RUNDC3B: variants seen among roughly 807,000 people sequenced by gnomAD.
RUNDC3B encodes RUN domain containing 3B.
Under a neutral mutation model 58.4 loss-of-function variants are expected in RUNDC3B, and 33 were observed. That is an observed-to-expected ratio of 0.56 (90% CI 0.43 to 0.75). RUNDC3B has a LOEUF of 0.75. Among genes scored for constraint, RUNDC3B ranks in the 30% least tolerant of loss-of-function variants. RUNDC3B has a pLI of 0.00. For missense variants in RUNDC3B, 501 were observed against 535.7 expected (o/e 0.94, Z 0.64); for synonymous variants, 193 against 195.2 (o/e 0.99, Z 0.10).
chr7:87,725,803 C>T (rs1305777432), intron 4 of RUNDC3B, among the ~76,000 whole-genome samples: 1 of 152,098 alleles, frequency 6.6e-6, no homozygotes, highest in East Asian at 1.9e-4. Flanking sequence ...TGAGATGGTA[C>T]CTCACTGTGG....
At chr7:87,822,207 C>T (rs1837499859) in intron 10 of RUNDC3B, among the ~76,000 whole-genome samples, 2 of 151,936 alleles carry the variant, frequency 1.3e-5, no homozygotes, top group South Asian at 4.2e-4. Flanking sequence ...AAAAAACAAC[C>T]CCATCAAAAA....
At chr7:87,820,196 T>C (rs1234632711) in intron 10 of RUNDC3B, among the ~76,000 whole-genome samples, 1 of 151,946 alleles carries the variant, frequency 6.6e-6, no homozygotes, top group Non-Finnish European at 1.5e-5. Flanking sequence ...TAAAAAATGA[T>C]AAAGGGGATA....
chr7:87,731,957 C>T (rs1831603529), intron 4 of RUNDC3B, among the ~76,000 whole-genome samples: 2 of 152,264 alleles, frequency 1.3e-5, no homozygotes, highest in African/African-American at 4.8e-5. Context: ...CCAATGACTG[C>T]AGAATTCACA....
At chr7:87,786,706 G>T (rs1163859211) in intron 8 of RUNDC3B, among the ~76,000 whole-genome samples, 1 of 151,874 alleles carries the variant, frequency 6.6e-6, no homozygotes, top group African/African-American at 2.4e-5. Context: ...TTTTTCAAAA[G>T]AGATGTTTTC....
intron 4 of RUNDC3B, among the ~76,000 whole-genome samples, chr7:87,733,588 A>G (rs563327336): frequency 1.3e-5 from 2 of 152,314 alleles, no homozygotes; most frequent in African/African-American, 4.8e-5. Flanking sequence ...CTTTTTGGCA[A>G]CAGGGACTGG....
rs550697858 is a variant in RUNDC3B, at chr7:87,777,153, G to A, written c.799-645G>A. ...TTCCAAGAAGTCTTATATCTATTAC[G>A]TGTTTACTAATAATAATAGCTAGTA... On this transcript the variant is annotated intron_variant, in intron 7 of 10. Coordinates refer to ENST00000394654, the MANE Select transcript of RUNDC3B (RefSeq NM_001134405.2). 7.2e-5 allele frequency among the ~76,000 whole-genome samples: 11 copies of A among 152,224 alleles called. No individual in the cohort carries two copies. The East Asian group carries it at 1.3e-3, about 19-fold the overall frequency.
At chr7:87,635,907 T>C (rs1222711229) in intron 1 of RUNDC3B, among the ~76,000 whole-genome samples, 1 of 152,222 alleles carries the variant, frequency 6.6e-6, no homozygotes, top group African/African-American at 2.4e-5. Flanking sequence ...GTTCATCCAT[T>C]TTGTTGCATG....
rs866956481 is a variant in RUNDC3B, at chr7:87,629,011, G to T, written c.122+66G>T. 143 of 1,261,452 alleles carry T rather than the reference G, an allele frequency of 1.1e-4. No homozygotes were observed. The African/African-American group carries it at 1.8e-3, about 16-fold the overall frequency. The allele number at this position is 1,261,452 out of a possible 1,614,324, so 78.1% of individuals were successfully genotyped here. Reference sequence around the variant, plus strand: ...GGCTGAGAGCTCTGGGCTTCCGCGCGGGTCCTTGGGGGTCCCGGGCATGAT... The same window carrying T: ...GGCTGAGAGCTCTGGGCTTCCGCGCTGGTCCTTGGGGGTCCCGGGCATGAT... On this transcript the variant is annotated intron_variant, in intron 1 of 10. Coordinates refer to ENST00000394654, the MANE Select transcript of RUNDC3B (RefSeq NM_001134405.2).
chr7:87,714,796 G>C (rs1033878122), intron 4 of RUNDC3B, among the ~76,000 whole-genome samples: 1 of 151,854 alleles, frequency 6.6e-6, no homozygotes, highest in Non-Finnish European at 1.5e-5. Flanking sequence ...CCGTTTATAG[G>C]CTCTCCACAA....
chr7:87,766,832 AT>A (rs1834002351), intron 6 of RUNDC3B, among the ~76,000 whole-genome samples: 1 of 151,886 alleles, frequency 6.6e-6, no homozygotes, highest in African/African-American at 2.4e-5. Flanking sequence ...TCCCTCAAAT[AT>A]TTTTTCCAAA....
chr7:87,645,707 T>C (rs1310128166), intron 1 of RUNDC3B, among the ~76,000 whole-genome samples: 1 of 152,222 alleles, frequency 6.6e-6, no homozygotes, highest in Non-Finnish European at 1.5e-5. Flanking sequence ...AAATTCTTTC[T>C]ACAGGTTTGA....
chr7:87,705,588 T>A, intron 3 of RUNDC3B, among the ~76,000 whole-genome samples: 1 of 152,210 alleles, frequency 6.6e-6, no homozygotes, highest in East Asian at 1.9e-4. Flanking sequence ...GTGTCTTCAG[T>A]ACTTTTGCAG....
intron 9 of RUNDC3B, among the ~76,000 whole-genome samples, chr7:87,815,327 A>C (rs1020422105): frequency 6.6e-6 from 1 of 152,130 alleles, no homozygotes. Flanking sequence ...TAGGAAATAG[A>C]TATTGAGGCT....
intron 2 of RUNDC3B, among the ~76,000 whole-genome samples, chr7:87,652,225 A>G (rs949549508): frequency 6.6e-6 from 1 of 152,090 alleles, no homozygotes; most frequent in Non-Finnish European, 1.5e-5. Flanking sequence ...CTGGTATATC[A>G]TTTAGCATAT....
At chr7:87,829,626 CTTTTT>C (rs1179670653) in intron 10 of RUNDC3B, among the ~76,000 whole-genome samples, 1 of 151,916 alleles carries the variant, frequency 6.6e-6, no homozygotes, top group East Asian at 1.9e-4. Context: ...TAGCTTTGTT[CTTTTT>C]TATTAAGATT....
intron 4 of RUNDC3B, among the ~76,000 whole-genome samples, chr7:87,729,466 AG>A (rs1375575474): frequency 6.6e-6 from 1 of 152,196 alleles, no homozygotes; most frequent in African/African-American, 2.4e-5. Context: ...GTTGGAACTC[AG>A]TACTGCCCTG....
intron 2 of RUNDC3B, among the ~76,000 whole-genome samples, chr7:87,684,304 G>C (rs1291518807): frequency 1.3e-5 from 2 of 152,066 alleles, no homozygotes; most frequent in African/African-American, 2.4e-5. Flanking sequence ...GTTTTAGAAG[G>C]CTTTTTTTGT....
intron 8 of RUNDC3B, among the ~76,000 whole-genome samples, chr7:87,792,618 A>G (rs1467588932): frequency 6.6e-6 from 1 of 152,136 alleles, no homozygotes; most frequent in Non-Finnish European, 1.5e-5. Context: ...CCAGTGGGTC[A>G]GGAAGTAATT....
Position 87,650,903 on chromosome 7 carries a change from T to A in RUNDC3B, c.204T>A (p.Ala68=). The A allele has an allele frequency of 6.2e-7, 1 of 1,612,468 alleles. No individual in the cohort carries two copies. The highest frequency in any genetic ancestry group is 8.5e-7 in the Non-Finnish European group (1 of 1,178,750). The part of the protein sequence containing the change: ...DSSPEFNNFA[A]ILEQILSHRL... ...CTCCTGAATTTAACAATTTTGCAGC[T>A]ATTTTGGAACAGATTTTAAGCCACC... The change falls in exon 2 of 11, where the codon GCT becomes GCA. Residue 68 remains alanine (A), a synonymous_variant. Transcript: ENST00000394654.
Sources: gnomAD v4.1 joint callset for allele counts (sites outside exome capture counted in the v4.1 genomes callset) on GRCh38, gnomAD v4.1.1 for gene constraint, MANE v1.5 for transcripts, NCBI Gene and HGNC (gene_info 2026-07-23, HGNC 2026-07-21) for gene names.